Variants in RASL10A observed in about 807,000 individuals in gnomAD.
RASL10A encodes the protein RAS like family 10 member A, also known as ras-like protein family member 10A.
Under a neutral mutation model 17.3 loss-of-function variants are expected in RASL10A, and 13 were observed. The ratio of observed to expected loss-of-function variants is 0.75; its 90% CI spans 0.49 to 1.20. The LOEUF (loss-of-function observed/expected upper bound fraction) is 1.20, where lower values mean the gene tolerates loss of function less well. RASL10A is among the 50% of genes most tolerant of loss of function. RASL10A has a pLI of 0.00. For synonymous variants in RASL10A, 159 were observed against 142.2 expected, an observed-to-expected ratio of 1.12 and a Z score of -0.84; for missense variants, 307 against 310.3, an observed-to-expected ratio of 0.99 and a Z score of 0.08.
At chr22:29,314,485 C>T (rs955939169) in intron 1 of RASL10A, among the ~76,000 whole-genome samples, 1 of 152,334 alleles carries the variant, frequency 6.6e-6, no homozygotes, top group South Asian at 2.1e-4. Context: ...AAATGCCACT[C>T]CCTCCAGGAA....
rs1039125641 is a variant in RASL10A, at chr22:29,313,737, G to A, written c.344+126C>T. 13 of 1,482,054 alleles carry A rather than the reference G, an allele frequency of 8.8e-6. No homozygotes were observed. The African/African-American group carries it at 1.7e-4, about 19-fold the overall frequency. 91.8% of individuals were successfully genotyped at this position (1,482,054 alleles called of 1,614,324 possible). On this transcript the variant is annotated intron_variant, in intron 2 of 2. Transcript: ENST00000216101. Reference sequence around the variant, plus strand: ...GGGCCAAAGAGCACATACAGCTTAAGACCTTCCCACGGGCGAAGGCCTAAG... The same window carrying A: ...GGGCCAAAGAGCACATACAGCTTAAAACCTTCCCACGGGCGAAGGCCTAAG...
rs1258801744 is a variant in RASL10A at position 29,315,399 on chromosome 22, G to C, written c.-153C>G. ...CCCTCGGAGCACCGAGACCGGAGAGGGCAGGCCCGAGGCAGGAGCTGGCGG... is the reference window on the plus strand; with the variant it reads ...CCCTCGGAGCACCGAGACCGGAGAGCGCAGGCCCGAGGCAGGAGCTGGCGG... On this transcript the variant is annotated 5_prime_UTR_variant, in exon 1 of 3. Coordinates refer to ENST00000216101, the MANE Select transcript of RASL10A (RefSeq NM_006477.5). The surrounding 1 kb of genome is among the most constrained non-coding windows in gnomAD (Gnocchi z 5.5). 2.5e-5 allele frequency: 10 copies of C among 399,516 alleles called. No homozygotes were observed. Among genetic ancestry groups the C allele is most frequent in the Admixed American group, 2.0e-4 (4 of 20,064 alleles). The allele number at this position is 399,516 out of a possible 1,614,324, so 24.7% of individuals were successfully genotyped here.
chr22:29,313,507 GC>G lies in RASL10A; in HGVS notation c.405del (p.Leu136CysfsTer12). The G allele has an allele frequency of 6.4e-7, 1 of 1,570,616 alleles. No homozygotes were observed. The highest frequency in any genetic ancestry group is 1.1e-5 in the South Asian group (1 of 87,410). On this transcript the variant is annotated frameshift_variant, in exon 3 of 3. Transcript: ENST00000216101. LOFTEE classifies it high-confidence loss of function. ...AGCGCGCGCCGCGGTCCGAAGCGCA[GC>G]CGCTGCCTGTCCCGCTTGTTGCCTA... ...LVVGNKRDRQ[R>X]LRFGPRRALA...
At chr22:29,316,237 A>G (rs532818708), upstream of RASL10A, among the ~76,000 whole-genome samples, 1 of 152,308 alleles carries the variant, frequency 6.6e-6, no homozygotes, top group Non-Finnish European at 1.5e-5. Flanking sequence ...CAAGGTTAGA[A>G]GGGCAGTGGG....
upstream of RASL10A, among the ~76,000 whole-genome samples, chr22:29,315,930 G>T (rs2147913228): frequency 6.6e-6 from 1 of 152,256 alleles, no homozygotes; most frequent in African/African-American, 2.4e-5. This position sits in a 1 kb window ranked among gnomAD's most constrained non-coding sequence, Gnocchi z 5.5. Flanking sequence ...CCACTGCCGC[G>T]GCCGCTCTTC....
Position 29,313,960 on chromosome 22 carries a change from A to G in RASL10A, c.247T>C (p.Leu83=), listed in dbSNP as rs1204058045. The part of the protein sequence containing the change: ...EEWPDAKDWS[L]QDTDAFVLVY... The stretch of plus-strand genomic sequence containing the variant: ...AGCACGAAGGCGTCCGTGTCCTGCA[A>G]GCTCCAGTCCTTAGCGTCTGGCCAC... Residue 83 remains leucine (L), a synonymous_variant, in exon 2 of 3, where the codon TTG becomes CTG. Transcript: ENST00000216101. 6.2e-7 allele frequency: 1 copy of G among 1,613,722 alleles called. No individual in the cohort carries two copies. Among genetic ancestry groups the G allele is most frequent in the East Asian group, 2.2e-5 (1 of 44,882 alleles).
chr22:29,319,378 C>T (rs1170209667), upstream of RASL10A: 1 of 152,194 alleles, frequency 6.6e-6, no homozygotes, highest in East Asian at 1.9e-4. Flanking sequence ...CCTTGGACAT[C>T]CTCATGATGA....
chr22:29,315,320 T>C lies in RASL10A; in HGVS notation c.-74A>G. On this transcript the variant is annotated 5_prime_UTR_variant, in exon 1 of 3. Coordinates refer to ENST00000216101, the MANE Select transcript of RASL10A (RefSeq NM_006477.5). The surrounding 1 kb of genome is among the most constrained non-coding windows in gnomAD (Gnocchi z 5.5). ...CGCCGCACCGTGCGCCCCCAGGCCG[T>C]GCGCCCCGCGCGCCCTGCCCGGTGC... 9.4e-7 allele frequency: 1 copy of C among 1,066,758 alleles called. No individual in the cohort carries two copies. The highest frequency in any genetic ancestry group is 1.2e-6 in the Non-Finnish European group (1 of 841,122). The allele number at this position is 1,066,758 out of a possible 1,614,324, so 66.1% of individuals were successfully genotyped here.
rs1438712064 is a variant in RASL10A at position 29,313,439 on chromosome 22, C to G, written c.474G>C (p.Glu158Asp). 2 of 1,540,982 alleles carry G rather than the reference C, an allele frequency of 1.3e-6. No homozygotes were observed. Among genetic ancestry groups the G allele is most frequent in the East Asian group, 2.4e-5 (1 of 40,954 alleles). Residue 158 changes from glutamate to aspartate, a missense_variant, in exon 3 of 3, where the codon GAG (glutamate) becomes GAC (aspartate). Physicochemically the swap from Glu to Asp is conservative, Grantham distance 45. Coordinates refer to ENST00000216101, the MANE Select transcript of RASL10A (RefSeq NM_006477.5). Reference protein sequence around the residue: ...VRRGWRCGYLECSAKYNWHVL... With the variant: ...VRRGWRCGYLDCSAKYNWHVL... ...CGTGCCAGTTGTACTTGGCGGAGCA[C>G]TCGAGGTAGCCGCAGCGCCAGCCCC...
rs1034517468 is a variant in RASL10A at position 29,313,505 on chromosome 22, C to T, written c.408G>A (p.Leu136=). The stretch of plus-strand genomic sequence containing the variant: ...CCAGCGCGCGCCGCGGTCCGAAGCG[C>T]AGCCGCTGCCTGTCCCGCTTGTTGC... ...VVGNKRDRQR[L]RFGPRRALAA... is the part of the protein sequence containing the mutation. The change falls in exon 3 of 3, where the codon CTG becomes CTA. Residue 136 remains leucine (L), a synonymous_variant. Transcript: ENST00000216101. 1.3e-6 allele frequency: 2 copies of T among 1,569,566 alleles called. No homozygotes were observed. The highest frequency in any genetic ancestry group is 2.7e-5 in the African/African-American group (2 of 73,984).
At chr22:29,315,990 AGTCAGGCCGCCCGGG>A (rs1041030749), upstream of RASL10A, among the ~76,000 whole-genome samples, 7 of 152,170 alleles carry the variant, frequency 4.6e-5, no homozygotes, top group Non-Finnish European at 7.3e-5. This position sits in a 1 kb window ranked among gnomAD's most constrained non-coding sequence, Gnocchi z 5.5. Flanking sequence ...CGGCCCCCGG[AGTCAGGCCGCCCGGG>A]GTCCGAATTG....
At position 29,315,130 on chromosome 22, in the gene RASL10A, C is replaced by T. The variant is rs945805587; in HGVS notation, c.117G>A (p.Pro39=). The T allele has an allele frequency of 1.3e-6, 2 of 1,531,534 alleles. No homozygotes were observed. The highest frequency in any genetic ancestry group is 1.7e-6 in the Non-Finnish European group (2 of 1,144,314). The allele number at this position is 1,531,534 out of a possible 1,614,324, so 94.9% of individuals were successfully genotyped here. ...GCAGCACCGCGGGTCGGTAGAGGCG[C>T]GGCCCGTCCGTGGGCCGGTGGCGCT... is the stretch of plus-strand genomic sequence containing the variant. ...YPERHRPTDG[P]RLYRPAVLLD... Residue 39 remains proline, a synonymous_variant, in exon 1 of 3, where the codon CCG becomes CCA. Coordinates refer to ENST00000216101, the MANE Select transcript of RASL10A (RefSeq NM_006477.5). This position sits in a 1 kb window ranked among gnomAD's most constrained non-coding sequence, Gnocchi z 5.5.
chr22:29,314,197 C>T, intron 1 of RASL10A: 1 of 591,876 alleles, frequency 1.7e-6, no homozygotes, highest in South Asian at 2.1e-5. Flanking sequence ...CAGCCTCCTT[C>T]ATCCTTGGTC....
rs1280985612 is a variant in RASL10A, at chr22:29,313,363, G to GGC, written c.548_549dup (p.Pro184AlafsTer60). 3 of 1,543,420 alleles carry GGC rather than the reference G, an allele frequency of 1.9e-6. No individual in the cohort carries two copies. Among genetic ancestry groups the GGC allele is most frequent in the African/African-American group, 1.4e-5 (1 of 72,878 alleles). On this transcript the variant is annotated frameshift_variant, in exon 3 of 3. Coordinates refer to ENST00000216101, the MANE Select transcript of RASL10A (RefSeq NM_006477.5). LOFTEE classifies it high-confidence loss of function. ...TGCAGGCGCAGGGCCGGGTGTGCAG[G>GGC]GCGCGCGCGCACCAGAGCGCAGCGC...
At position 29,315,054 on chromosome 22, in the gene RASL10A, G is replaced by A. The variant is rs1158411760; in HGVS notation, c.193C>T (p.Pro65Ser). ...LSIRDGDVAG[P>S]GSSPGGPEEW... ...TCCGGACCCCCGGGGCTCGAGCCGGGGCCAGCGACGTCGCCGTCGCGGATG... is the reference window on the plus strand; with the variant it reads ...TCCGGACCCCCGGGGCTCGAGCCGGAGCCAGCGACGTCGCCGTCGCGGATG... The change falls in exon 1 of 3, where the codon CCC becomes TCC. Residue 65 changes from proline to serine, a missense_variant. Pro to Ser is a moderately conservative substitution (Grantham distance 74). Transcript: ENST00000216101. The surrounding 1 kb of genome is among the most constrained non-coding windows in gnomAD (Gnocchi z 5.5). 2 of 1,516,408 alleles carry A rather than the reference G, an allele frequency of 1.3e-6. No individual in the cohort carries two copies. Among genetic ancestry groups the A allele is most frequent in the Admixed American group, 2.0e-5 (1 of 49,342 alleles). 93.9% of individuals were successfully genotyped at this position (1,516,408 alleles called of 1,614,324 possible).
chr22:29,314,965 G>A (rs2061444061), intron 1 of RASL10A, 63 bp downstream of exon 1: 1 of 1,322,698 alleles, frequency 7.6e-7, no homozygotes, highest in Non-Finnish European at 9.9e-7. Context: ...ACACGCACGT[G>A]TGCACCGAGC....
chr22:29,314,696 G>C (rs2061442359), intron 1 of RASL10A, among the ~76,000 whole-genome samples: 1 of 152,076 alleles, frequency 6.6e-6, no homozygotes, highest in African/African-American at 2.4e-5. Flanking sequence ...CTCTGCTCAA[G>C]GCCCCAAACA....
upstream of RASL10A, among the ~76,000 whole-genome samples, chr22:29,317,427 G>A (rs115167756): frequency 8.9e-3 from 1,355 of 152,194 alleles, 21 homozygotes; most frequent in African/African-American, 0.031. Flanking sequence ...TTTTGTAGAG[G>A]TGGAATCTCA....
In RASL10A at chr22:29,313,881, T is replaced by C; in HGVS notation, c.326A>G (p.Gln109Arg). Residue 109 changes from glutamine to arginine, a missense_variant, in exon 2 of 3, where the codon CAG becomes CGG. Transcript: ENST00000216101. ...CCCCTACCTGGTCTCCGCGATGCGC[T>C]GCCGCAGGGCCTTCACGTAGTCGAA... ...DSFDYVKALR[Q>R]RIAETRPAGA... is the part of the protein sequence containing the mutation. The C allele has an allele frequency of 6.2e-7, 1 of 1,613,754 alleles. No individual in the cohort carries two copies. The highest frequency in any genetic ancestry group is 8.5e-7 in the Non-Finnish European group (1 of 1,180,024).
Sources: gnomAD v4.1 joint callset for allele counts (sites outside exome capture counted in the v4.1 genomes callset) on GRCh38, gnomAD v4.1.1 for gene constraint, Gnocchi (gnomAD v3.1) non-coding constraint, MANE v1.5 for transcripts, NCBI Gene and HGNC (gene_info 2026-07-23, HGNC 2026-07-21) for gene names.